Variants in FAM200B observed in about 807,000 individuals in gnomAD.
FAM200B encodes protein FAM200B.
FAM200B carries 32 observed loss-of-function variants against 33.1 expected under a neutral mutation model. The observed-to-expected ratio is 0.97, with a 90% CI of 0.73 to 1.30. The LOEUF is 1.30. FAM200B is among the 50% of genes most tolerant of loss of function. The pLI, the probability that FAM200B is intolerant of heterozygous loss-of-function variation, is 0.00. For missense variants in FAM200B, 741 were observed against 754.0 expected (o/e 0.98, Z 0.20); for synonymous variants, 240 against 264.8 (o/e 0.91, Z 0.91).
the FAM200B span, chr4:15,640,770 AAG>A: frequency 3.6e-6 from 5 of 1,379,742 alleles, no homozygotes. Context: ...TAAATCACGA[AAG>A]AAAAATTATG....
chr4:15,668,909 C>T, the FAM200B span, among the ~76,000 whole-genome samples: 1 of 152,196 alleles, frequency 6.6e-6, no homozygotes, highest in East Asian at 1.9e-4. Flanking sequence ...AGAGTGACAA[C>T]ACAGTAGCTC....
At chr4:15,638,696 T>TCCTCTTCCTCTTTCATGTG in the FAM200B span, 3 of 1,566,850 alleles carry the variant, frequency 1.9e-6, no homozygotes, top group African/African-American at 4.1e-5. Flanking sequence ...CTGAAAAACC[T>TCCTCTTCCTCTTTCATGTG]AAATTAAACA....
upstream of FAM200B, chr4:15,681,395 G>T: frequency 5.8e-6 from 1 of 173,254 alleles, no homozygotes; most frequent in South Asian, 1.5e-4. Flanking sequence ...GCTTCGCCTG[G>T]TTGTGGTGTG....
At chr4:15,646,311 C>CTCT in the FAM200B span, among the ~76,000 whole-genome samples, 5 of 151,860 alleles carry the variant, frequency 3.3e-5, no homozygotes, top group African/African-American at 7.2e-5. Context: ...TGATGCTTGG[C>CTCT]TCTTAAGCCA....
At chr4:15,653,014 T>A in the FAM200B span, among the ~76,000 whole-genome samples, 1 of 152,194 alleles carries the variant, frequency 6.6e-6, no homozygotes, top group African/African-American at 2.4e-5. Context: ...ACAAAATACT[T>A]ATTTTCCACT....
chr4:15,680,512 T>G (rs920595773), upstream of FAM200B, among the ~76,000 whole-genome samples: 62 of 151,910 alleles, frequency 4.1e-4, no homozygotes, highest in African/African-American at 1.5e-3. Context: ...CTTTGTATTT[T>G]TGAAAAATAC....
chr4:15,655,465 T>G, the FAM200B span: 5 of 882,108 alleles, frequency 5.7e-6, no homozygotes, highest in African/African-American at 9.1e-5. Context: ...ATGCGATCCC[T>G]GCGGCCCACG....
chr4:15,668,531 A>T, the FAM200B span, among the ~76,000 whole-genome samples: 1 of 151,964 alleles, frequency 6.6e-6, no homozygotes, highest in African/African-American at 2.4e-5. Context: ...GTTTATTTCA[A>T]ACCAACAGCC....
Position 15,687,348 on chromosome 4 carries a change from GAAAGA to G in FAM200B, c.375_379del (p.Lys126ArgfsTer10). On this transcript the variant is annotated frameshift_variant, in exon 2 of 2. Coordinates refer to ENST00000422728, the MANE Select transcript of FAM200B (RefSeq NM_001145191.2). LOFTEE classifies it high-confidence loss of function. ...GATAAGCCTCTTGAATATTTTCAAA[GAAAGA>G]AAAAAGACATAAAGTTATCAACACA... 1 of 1,543,988 alleles carries G rather than the reference GAAAGA, an allele frequency of 6.5e-7. No homozygotes were observed. Among genetic ancestry groups the G allele is most frequent in the Non-Finnish European group, 8.7e-7 (1 of 1,143,850 alleles).
At chr4:15,655,297 C>A in the FAM200B span, 10 of 1,407,902 alleles carry the variant, frequency 7.1e-6, no homozygotes, top group Non-Finnish European at 9.4e-6. Context: ...TCGCCACTGC[C>A]TCAGCCTCCG....
At position 15,687,967 on chromosome 4, in the gene FAM200B, T is replaced by G. The variant is rs1719043942; in HGVS notation, c.990T>G (p.Arg330=). 6.4e-7 allele frequency: 1 copy of G among 1,551,120 alleles called. No homozygotes were observed. The highest frequency in any genetic ancestry group is 1.4e-5 in the African/African-American group (1 of 73,016). Residue 330 remains arginine (R), a synonymous_variant, in exon 2 of 2, where the codon CGT becomes CGG. Transcript: ENST00000422728. ...GAVWNHCFIH[R]EGLASREIPQ... Reference sequence around the variant, plus strand: ...TGTGGAATCATTGTTTTATACATCGTGAAGGTTTAGCATCCAGAGAAATTC... The same window carrying G: ...TGTGGAATCATTGTTTTATACATCGGGAAGGTTTAGCATCCAGAGAAATTC...
Position 15,688,003 on chromosome 4 carries a change from C to G in FAM200B, c.1026C>G (p.Leu342=). The change falls in exon 2 of 2, where the codon CTC becomes CTG. Residue 342 remains leucine, a synonymous_variant. Transcript: ENST00000422728. The part of the protein sequence containing the change: ...GLASREIPQN[L]MEVLKNAVKV... ...CATCCAGAGAAATTCCACAGAATCT[C>G]ATGGAGGTATTGAAAAATGCAGTGA... 1.3e-6 allele frequency: 2 copies of G among 1,550,864 alleles called. No individual in the cohort carries two copies. Among genetic ancestry groups the G allele is most frequent in the South Asian group, 2.4e-5 (2 of 84,048 alleles).
In FAM200B at chr4:15,689,794, C is replaced by T. The variant is rs1577551981; in HGVS notation, c.*843C>T. ...CCTGTCTCGAGAAAATTAAATGTTA[C>T]TTCCCTAAAAAAACCTTTTCTAACC... On this transcript the variant is annotated 3_prime_UTR_variant, in exon 2 of 2. Coordinates refer to ENST00000422728, the MANE Select transcript of FAM200B (RefSeq NM_001145191.2). The T allele has an allele frequency of 6.0e-6, 1 of 166,532 alleles. No homozygotes were observed. The highest frequency in any genetic ancestry group is 1.9e-4 in the East Asian group (1 of 5,204). 10.3% of individuals were successfully genotyped at this position (166,532 alleles called of 1,614,324 possible). A position where few individuals can be genotyped will look rare whatever the true frequency, so the allele number is the denominator to read the frequency against.
the FAM200B span, among the ~76,000 whole-genome samples, chr4:15,646,562 T>C: frequency 6.6e-6 from 1 of 151,988 alleles, no homozygotes; most frequent in Non-Finnish European, 1.5e-5. Flanking sequence ...TTATTATTAT[T>C]ATACTTTAAG....
chr4:15,643,859 T>A, the FAM200B span, among the ~76,000 whole-genome samples: 1 of 152,258 alleles, frequency 6.6e-6, no homozygotes. Flanking sequence ...AATTTTATAA[T>A]TAAAACTTCG....
chr4:15,655,509 C>T, the FAM200B span: 8 of 374,290 alleles, frequency 2.1e-5, no homozygotes, highest in Admixed American at 6.4e-5. Context: ...GCGGCTTCTG[C>T]CTCCCGCCCC....
chr4:15,690,110 CTTTTTACTTTTAAAAATCTAA>C lies in FAM200B; in HGVS notation c.*1164_*1184del, dbSNP rs1719260881. 1 of 167,048 alleles carries C rather than the reference CTTTTTACTTTTAAAAATCTAA, an allele frequency of 6.0e-6. No homozygotes were observed. The highest frequency in any genetic ancestry group is 1.5e-5 in the Non-Finnish European group (1 of 68,108). 10.3% of individuals were successfully genotyped at this position (167,048 alleles called of 1,614,324 possible). A position where few individuals can be genotyped will look rare whatever the true frequency, so the allele number is the denominator to read the frequency against. On this transcript the variant is annotated 3_prime_UTR_variant, in exon 2 of 2. Transcript: ENST00000422728. ...TTAAATATGTGGCAAATTTCTTTGC[CTTTTTACTTTTAAAAATCTAA>C]TTTTGACATAACTGCTGTAACCATC...
the FAM200B span, among the ~76,000 whole-genome samples, chr4:15,650,542 T>A: frequency 6.6e-6 from 1 of 152,148 alleles, no homozygotes; most frequent in African/African-American, 2.4e-5. Flanking sequence ...ACCTATAAAG[T>A]TATATACTCT....
chr4:15,687,326 A>G lies in FAM200B; in HGVS notation c.349A>G (p.Lys117Glu). ...LETQHAELID[K>E]PLEYFQRKKK... The stretch of plus-strand genomic sequence containing the variant: ...AACTCAGCATGCTGAACTTATTGAT[A>G]AGCCTCTTGAATATTTTCAAAGAAA... Residue 117 changes from lysine to glutamate, a missense_variant, in exon 2 of 2, where the codon AAG (lysine) becomes GAG (glutamate). By Grantham distance (56) the Lys-to-Glu change is moderately conservative. Coordinates refer to ENST00000422728, the MANE Select transcript of FAM200B (RefSeq NM_001145191.2). 6.5e-7 allele frequency: 1 copy of G among 1,545,582 alleles called. No homozygotes were observed. Among genetic ancestry groups the G allele is most frequent in the East Asian group, 2.4e-5 (1 of 40,820 alleles).
Sources: allele counts gnomAD v4.1 joint callset (sites outside exome capture counted in the v4.1 genomes callset), GRCh38; gene constraint gnomAD v4.1.1; transcripts MANE v1.5; gene names NCBI Gene and HGNC (gene_info 2026-07-23, HGNC 2026-07-21).